Variants in MEOX1 observed in about 807,000 individuals in gnomAD.
The protein encoded by MEOX1 is homeobox protein MOX-1.
Under a neutral mutation model 23.2 loss-of-function variants are expected in MEOX1, and 17 were observed. The observed-to-expected ratio is 0.73, with a 90% CI of 0.50 to 1.10. MEOX1 has a LOEUF of 1.10. Among genes scored for constraint, MEOX1 ranks in the 50% least tolerant of loss-of-function variants. The probability of loss-of-function intolerance (pLI) is 0.00; values close to 1 mark genes in which losing one functional copy is unlikely to be tolerated. For missense variants in MEOX1, 333 were observed against 332.2 expected (o/e 1.00, Z -0.02); for synonymous variants, 134 against 135.1 (o/e 0.99, Z 0.06).
At chr17:43,657,012 C>CTCTTTCTTTCTTTCTCTTTCTT (rs1973035049) in intron 1 of MEOX1, among the ~76,000 whole-genome samples, 2 of 105,146 alleles carry the variant, frequency 1.9e-5, no homozygotes, top group East Asian at 5.4e-4. Context: ...TTCTTTCTTT[C>CTCTTTCTTTCTTTCTCTTTCTT]TCTTTCTTTC....
At position 43,661,280 on chromosome 17, in the gene MEOX1, G is replaced by T. The variant is rs1251276639; in HGVS notation, c.255C>A (p.His85Gln). The T allele has an allele frequency of 6.2e-7, 1 of 1,610,184 alleles. No homozygotes were observed. Among genetic ancestry groups the T allele is most frequent in the East Asian group, 2.2e-5 (1 of 44,758 alleles). ...PQEEHIFTEQ[H>Q]PAFPQSPNWH... ...AGTTGGGGGACTGTGGGAAAGCGGGGTGCTGCTCAGTGAAGATGTGCTCCT... is the reference window on the plus strand; with the variant it reads ...AGTTGGGGGACTGTGGGAAAGCGGGTTGCTGCTCAGTGAAGATGTGCTCCT... Residue 85 changes from histidine to glutamine, a missense_variant, in exon 1 of 3, where the codon CAC (histidine) becomes CAA (glutamine). Transcript: ENST00000318579.
intron 1 of MEOX1, among the ~76,000 whole-genome samples, chr17:43,649,236 C>G (rs1972866880): frequency 6.6e-6 from 1 of 151,454 alleles, no homozygotes; most frequent in African/African-American, 2.4e-5. Flanking sequence ...CCTTAAGGCA[C>G]CACATCTCCA....
chr17:43,648,484 G>T (rs201884157), intron 1 of MEOX1, among the ~76,000 whole-genome samples: 1 of 144,276 alleles, frequency 6.9e-6, no homozygotes, highest in African/African-American at 2.6e-5. Flanking sequence ...AAAAAAAAAA[G>T]AAAAGAAAAA....
At chr17:43,654,946 G>T (rs981580026) in intron 1 of MEOX1, among the ~76,000 whole-genome samples, 24 of 152,074 alleles carry the variant, frequency 1.6e-4, no homozygotes, top group Non-Finnish European at 2.8e-4. Context: ...CAGCTACTCG[G>T]GAGGCTGAGG....
At chr17:43,647,246 AC>A (rs1972829839) in intron 1 of MEOX1, among the ~76,000 whole-genome samples, 1 of 152,062 alleles carries the variant, frequency 6.6e-6, no homozygotes, top group Admixed American at 6.6e-5. Context: ...ACTTTTTCTC[AC>A]CCTAGCATCT....
chr17:43,655,381 G>A (rs1263234199), intron 1 of MEOX1, among the ~76,000 whole-genome samples: 1 of 151,212 alleles, frequency 6.6e-6, no homozygotes, highest in Non-Finnish European at 1.5e-5. Flanking sequence ...TGAGGCAGGA[G>A]AATCACTTGA....
chr17:43,661,536 T>C lies in MEOX1; in HGVS notation c.-2A>G. On this transcript the variant is annotated 5_prime_UTR_variant, in exon 1 of 3. Transcript: ENST00000318579. ...GCAGCTGCTGGCCGCGGGATCCATC[T>C]GCTGTCCGCTGCACGCCTCGGTCCT... 6.5e-7 allele frequency: 1 copy of C among 1,534,720 alleles called. No individual in the cohort carries two copies. Among genetic ancestry groups the C allele is most frequent in the Non-Finnish European group, 8.8e-7 (1 of 1,137,882 alleles).
At chr17:43,654,105 C>G (rs1049661211) in intron 1 of MEOX1, among the ~76,000 whole-genome samples, 1 of 152,166 alleles carries the variant, frequency 6.6e-6, no homozygotes, top group Non-Finnish European at 1.5e-5. Context: ...TATGTTGAAG[C>G]CCTAACCCCA....
At chr17:43,659,274 G>A (rs1272413790) in intron 1 of MEOX1, among the ~76,000 whole-genome samples, 1 of 152,206 alleles carries the variant, frequency 6.6e-6, no homozygotes, top group Non-Finnish European at 1.5e-5. Context: ...ACCAGGTTCA[G>A]AGCCAAGTCG....
chr17:43,653,322 T>C (rs1375952359), intron 1 of MEOX1, among the ~76,000 whole-genome samples: 2 of 151,152 alleles, frequency 1.3e-5, no homozygotes, highest in Non-Finnish European at 2.9e-5. Context: ...GTATTTTTAG[T>C]AGAGACAGGG....
chr17:43,646,089 G>A (rs985860328), intron 1 of MEOX1, among the ~76,000 whole-genome samples: 5 of 152,172 alleles, frequency 3.3e-5, no homozygotes. Flanking sequence ...GTCCGCGTCC[G>A]ATCCGGGTTG....
intron 1 of MEOX1, among the ~76,000 whole-genome samples, chr17:43,658,914 G>T (rs1973089853): frequency 6.6e-6 from 1 of 152,176 alleles, no homozygotes. Flanking sequence ...TGCTCCTGAG[G>T]GGACCCTTAG....
intron 1 of MEOX1, among the ~76,000 whole-genome samples, chr17:43,650,598 C>G (rs1031666481): frequency 7.9e-5 from 12 of 152,208 alleles, no homozygotes; most frequent in Non-Finnish European, 1.5e-5. Context: ...GTTCAGATCT[C>G]TCTCCCTGGG....
chr17:43,641,993 G>C lies in MEOX1; in HGVS notation c.682C>G (p.Arg228Gly). ...WFQNRRMKWK[R>G]VKGGQPISPN... ...GAGATGGGCTGACCTCCCTTCACACGCTTCCACTTCATCCTTCGGTTCTGG... is the reference window on the plus strand; with the variant it reads ...GAGATGGGCTGACCTCCCTTCACACCCTTCCACTTCATCCTTCGGTTCTGG... The change falls in exon 3 of 3, where the codon CGT (arginine) becomes GGT (glycine). Residue 228 changes from arginine (R) to glycine (G), a missense_variant. By Grantham distance (125) the Arg-to-Gly change is moderately radical. Coordinates refer to ENST00000318579, the MANE Select transcript of MEOX1 (RefSeq NM_004527.4). 6.2e-7 allele frequency: 1 copy of C among 1,613,966 alleles called. No individual in the cohort carries two copies. Among genetic ancestry groups the C allele is most frequent in the East Asian group, 2.2e-5 (1 of 44,876 alleles).
At position 43,661,333 on chromosome 17, in the gene MEOX1, C is replaced by T. The variant is rs1357698087; in HGVS notation, c.202G>A (p.Ala68Thr). The change falls in exon 1 of 3, where the codon GCA becomes ACA. Residue 68 changes from alanine to threonine, a missense_variant. Transcript: ENST00000318579. ...AYPDFSASCL[A>T]ATPHSLPQEE... Reference sequence around the variant, plus strand: ...TGGGGCAGGCTGTGTGGGGTGGCTGCCAGGCAGGAGGCTGAGAAGTCAGGG... The same window carrying T: ...TGGGGCAGGCTGTGTGGGGTGGCTGTCAGGCAGGAGGCTGAGAAGTCAGGG... 6.2e-7 allele frequency: 1 copy of T among 1,613,122 alleles called. No homozygotes were observed. Among genetic ancestry groups the T allele is most frequent in the East Asian group, 2.2e-5 (1 of 44,848 alleles).
intron 1 of MEOX1, among the ~76,000 whole-genome samples, chr17:43,653,926 T>A (rs1290644309): frequency 6.6e-6 from 1 of 152,212 alleles, no homozygotes; most frequent in Non-Finnish European, 1.5e-5. Flanking sequence ...GACAGGACCC[T>A]GAGCTAGGAA....
intron 1 of MEOX1, among the ~76,000 whole-genome samples, chr17:43,647,332 A>G (rs1373858507): frequency 6.6e-6 from 1 of 152,182 alleles, no homozygotes; most frequent in African/African-American, 2.4e-5. Context: ...TAATTCTCCT[A>G]GAGAGAAGAG....
intron 2 of MEOX1, among the ~76,000 whole-genome samples, chr17:43,643,273 C>T (rs558413237): frequency 6.6e-6 from 1 of 152,346 alleles, no homozygotes; most frequent in East Asian, 1.9e-4. Context: ...CGCCACTGCA[C>T]TCCAGCCTGG....
chr17:43,654,630 G>A (rs2154588955), intron 1 of MEOX1, among the ~76,000 whole-genome samples: 2 of 152,060 alleles, frequency 1.3e-5, no homozygotes, highest in East Asian at 3.8e-4. Context: ...AGACCAATCT[G>A]GCCAACATAG....
Sources: gnomAD v4.1 joint callset for allele counts (sites outside exome capture counted in the v4.1 genomes callset) on GRCh38, gnomAD v4.1.1 for gene constraint, MANE v1.5 for transcripts, NCBI Gene and HGNC (gene_info 2026-07-23, HGNC 2026-07-21) for gene names.